Variants in PITPNC1 observed in about 807,000 individuals in gnomAD.
PITPNC1 encodes cytoplasmic phosphatidylinositol transfer protein 1.
A neutral mutation model predicts 44.7 loss-of-function variants in PITPNC1; 18 were observed. The ratio of observed to expected loss-of-function variants is 0.40; its 90% CI spans 0.28 to 0.60. The LOEUF is 0.60. PITPNC1 is among the 20% of genes least tolerant of loss of function. PITPNC1 has a pLI of 0.39. For synonymous variants in PITPNC1, 141 were observed against 149.6 expected (o/e 0.94, Z 0.42); for missense variants, 290 against 418.4 (o/e 0.69, Z 2.68).
At chr17:67,451,179 G>A (rs8077652) in intron 1 of PITPNC1, among the ~76,000 whole-genome samples, 2,460 of 151,846 alleles carry the variant, frequency 0.016, 61 homozygotes, top group African/African-American at 0.054. Flanking sequence ...CTACACGCGC[G>A]CGCCATCACA....
chr17:67,667,120 T>C (rs2042434532), intron 6 of PITPNC1, among the ~76,000 whole-genome samples: 1 of 152,206 alleles, frequency 6.6e-6, no homozygotes, highest in Non-Finnish European at 1.5e-5. Context: ...CTCCGCTGTG[T>C]GCTGTGAGGT....
At chr17:67,644,652 C>T (rs1368760979) in intron 6 of PITPNC1, among the ~76,000 whole-genome samples, 2 of 152,066 alleles carry the variant, frequency 1.3e-5, no homozygotes, top group African/African-American at 2.4e-5. Flanking sequence ...TCAGGCTGCT[C>T]TCGAACTCCT....
rs1224096041 is a variant in PITPNC1 at position 67,674,823 on chromosome 17, C to A, written c.619-656C>A. Reference sequence around the variant, plus strand: ...GGTCAAGAGATCGAGACCATCCTGGCAAACATGGTGAAACCCCATCTCTAT... The same window carrying A: ...GGTCAAGAGATCGAGACCATCCTGGAAAACATGGTGAAACCCCATCTCTAT... On this transcript the variant is annotated intron_variant, in intron 7 of 8. Transcript: ENST00000581322. Among the ~76,000 whole-genome samples the A allele has an allele frequency of 4.0e-5, 6 of 151,800 alleles. No homozygotes were observed. In the East Asian group the frequency reaches 9.8e-4, roughly 25 times the overall value.
chr17:67,651,459 G>A (rs1205109513), intron 6 of PITPNC1, among the ~76,000 whole-genome samples: 1 of 152,004 alleles, frequency 6.6e-6, no homozygotes, highest in African/African-American at 2.4e-5. Flanking sequence ...GTTGCAGTGA[G>A]CCGAGATTGC....
chr17:67,459,118 T>A (rs1056445976), intron 1 of PITPNC1, among the ~76,000 whole-genome samples: 1 of 143,446 alleles, frequency 7.0e-6, no homozygotes, highest in Non-Finnish European at 1.5e-5. Context: ...TTTTTCTTTT[T>A]TTTTTTTTTT....
intron 4 of PITPNC1, among the ~76,000 whole-genome samples, chr17:67,577,445 G>A (rs934152201): frequency 4.0e-5 from 6 of 151,484 alleles, no homozygotes; most frequent in Admixed American, 1.3e-4. Context: ...AAAATTAGCC[G>A]GGCTACACGG....
At chr17:67,690,448 C>CAAAAAAAAA (rs58085156) in intron 8 of PITPNC1, among the ~76,000 whole-genome samples, 2 of 113,290 alleles carry the variant, frequency 1.8e-5, no homozygotes, top group Non-Finnish European at 3.5e-5. Flanking sequence ...AACTCTGTCT[C>CAAAAAAAAA]AAAAAAAAAA....
chr17:67,560,241 T>C (rs1376121178), intron 4 of PITPNC1, among the ~76,000 whole-genome samples: 1 of 152,222 alleles, frequency 6.6e-6, no homozygotes, highest in Non-Finnish European at 1.5e-5. Context: ...TTCCAGAAAC[T>C]TCTCTTTAGG....
chr17:67,538,019 A>G (rs950035086), intron 2 of PITPNC1, among the ~76,000 whole-genome samples: 1 of 151,986 alleles, frequency 6.6e-6, no homozygotes, highest in African/African-American at 2.4e-5. Flanking sequence ...TAAAATTCAT[A>G]TGAACAATTT....
intron 1 of PITPNC1, among the ~76,000 whole-genome samples, chr17:67,462,216 T>C (rs2039348583): frequency 7.7e-6 from 1 of 130,354 alleles, no homozygotes; most frequent in Admixed American, 7.4e-5. Flanking sequence ...TTTTTCTCTT[T>C]CTTTCTTTCT....
intron 1 of PITPNC1, among the ~76,000 whole-genome samples, chr17:67,522,675 G>GTTTTTTTTTTTTTTTTTTTTTTTTTTT (rs1250669305): frequency 5.5e-5 from 1 of 18,210 alleles, no homozygotes; most frequent in African/African-American, 3.7e-4. Context: ...TTTTTTTTTG[G>GTTTTTTTTTTTTTTTTTTTTTTTTTTT]AAAATGAGGT....
chr17:67,421,806 C>T (rs1177963115), intron 1 of PITPNC1, among the ~76,000 whole-genome samples: 2 of 152,168 alleles, frequency 1.3e-5, no homozygotes. Flanking sequence ...GATGCAGAAT[C>T]TGTTTATTTA....
intron 1 of PITPNC1, among the ~76,000 whole-genome samples, chr17:67,416,069 C>A (rs960054226): frequency 6.6e-6 from 1 of 152,038 alleles, no homozygotes; most frequent in African/African-American, 2.4e-5. Flanking sequence ...GAAAATAGCA[C>A]GTGGCGGGTG....
intron 5 of PITPNC1, among the ~76,000 whole-genome samples, chr17:67,583,939 C>T (rs1027658366): frequency 6.7e-6 from 1 of 148,172 alleles, no homozygotes; most frequent in African/African-American, 2.5e-5. Flanking sequence ...TGGAGTGTCA[C>T]TGTGTTAGCC....
At chr17:67,567,179 C>T (rs1325438473) in intron 4 of PITPNC1, among the ~76,000 whole-genome samples, 2 of 152,136 alleles carry the variant, frequency 1.3e-5, no homozygotes, top group Non-Finnish European at 2.9e-5. Flanking sequence ...CCCAGAACCT[C>T]CCAGAGTTAA....
chr17:67,653,322 A>C (rs1457191924), intron 6 of PITPNC1, among the ~76,000 whole-genome samples: 1 of 152,124 alleles, frequency 6.6e-6, no homozygotes, highest in African/African-American at 2.4e-5. Context: ...ACAAGCACAG[A>C]GGGAAGACGA....
intron 1 of PITPNC1, among the ~76,000 whole-genome samples, chr17:67,449,466 A>G (rs1314368604): frequency 6.6e-6 from 1 of 152,198 alleles, no homozygotes; most frequent in Non-Finnish European, 1.5e-5. Flanking sequence ...TTAAACTGCC[A>G]CTGGAATAAG....
chr17:67,585,560 T>C (rs189758670), intron 5 of PITPNC1, among the ~76,000 whole-genome samples: 1 of 152,048 alleles, frequency 6.6e-6, no homozygotes, highest in Non-Finnish European at 1.5e-5. Context: ...CCCAGCACTT[T>C]GGGAGGCTGA....
In PITPNC1 at chr17:67,692,672, C is replaced by A; in HGVS notation, c.783C>A (p.Ile261=). Residue 261 remains isoleucine, a synonymous_variant, in exon 9 of 9, where the codon ATC becomes ATA. Coordinates refer to ENST00000581322, the MANE Select transcript of PITPNC1 (RefSeq NM_012417.4). ...CACCTGCAATTTCTATCTCCAGCAT[C>A]CCCCTGCTGCCTTCTTCCGTCCGCA... ...IFPPAISISS[I]PLLPSSVRSA... 1 of 1,613,418 alleles carries A rather than the reference C, an allele frequency of 6.2e-7. No homozygotes were observed. Among genetic ancestry groups the A allele is most frequent in the South Asian group, 1.1e-5 (1 of 91,060 alleles).
Sources: gnomAD v4.1 joint callset for allele counts (sites outside exome capture counted in the v4.1 genomes callset) on GRCh38, gnomAD v4.1.1 for gene constraint, MANE v1.5 for transcripts, NCBI Gene and HGNC (gene_info 2026-07-23, HGNC 2026-07-21) for gene names.